Variants in CDK14 observed in about 807,000 individuals in gnomAD.
CDK14 encodes cyclin-dependent kinase 14.
A neutral mutation model predicts 60.7 loss-of-function variants in CDK14; 34 were observed. The observed-to-expected ratio is 0.56, with a 90% CI of 0.43 to 0.75. The LOEUF (loss-of-function observed/expected upper bound fraction) is 0.75. CDK14 is among the 30% of genes least tolerant of loss of function. The pLI, the probability that CDK14 is intolerant of heterozygous loss-of-function variation, is 0.00. For synonymous variants in CDK14, 197 were observed against 203.7 expected, an observed-to-expected ratio of 0.97 and a Z score of 0.28; for missense variants, 482 against 564.1, an observed-to-expected ratio of 0.85 and a Z score of 1.47.
rs541054333 is a variant in CDK14 at position 91,116,493 on chromosome 7, T to A, written c.1295-1572T>A. On this transcript the variant is annotated intron_variant, in intron 13 of 14. Coordinates refer to ENST00000380050, the MANE Select transcript of CDK14 (RefSeq NM_001287135.2). The stretch of plus-strand genomic sequence containing the variant: ...GGGACCTTTCTAGCTCTAGAGTTTG[T>A]CGATTTTCCCACATATTCCTGTATA... 9.5e-4 allele frequency among the ~76,000 whole-genome samples: 145 copies of A among 152,292 alleles called. 4 individuals are homozygous for A. In the South Asian group the frequency reaches 0.029, roughly 31 times the overall value.
Position 91,017,450 on chromosome 7 carries a change from G to T in CDK14, c.1042-28447G>T, listed in dbSNP as rs60258549. On this transcript the variant is annotated intron_variant, in intron 10 of 14. Transcript: ENST00000380050. Reference sequence around the variant, plus strand: ...AATTGTTATTTTGTTTTTCATATGTGATATTTTCCTAATAATTTTTAAAGT... The same window carrying T: ...AATTGTTATTTTGTTTTTCATATGTTATATTTTCCTAATAATTTTTAAAGT... Among the ~76,000 whole-genome samples the T allele has an allele frequency of 3.5e-4, 53 of 152,236 alleles. No homozygotes were observed. In the East Asian group the frequency reaches 9.6e-3, roughly 28 times the overall value.
chr7:91,025,241 C>T (rs1158439260), intron 10 of CDK14, among the ~76,000 whole-genome samples: 5 of 152,072 alleles, frequency 3.3e-5, no homozygotes, highest in African/African-American at 9.7e-5. Flanking sequence ...CACTATACTG[C>T]GGTTGTACCT....
At chr7:90,733,111 C>T (rs28749306) in intron 3 of CDK14, among the ~76,000 whole-genome samples, 151 of 152,256 alleles carry the variant, frequency 9.9e-4, no homozygotes, top group African/African-American at 3.2e-3. Flanking sequence ...AGTAGTCATT[C>T]GGGAGCAGGT....
intron 5 of CDK14, among the ~76,000 whole-genome samples, chr7:90,815,613 C>T (rs1789317703): frequency 6.6e-6 from 1 of 152,074 alleles, no homozygotes; most frequent in Admixed American, 6.6e-5. Flanking sequence ...AAGACACATA[C>T]ACACATATGT....
At chr7:91,127,157 A>G (rs906660658) in intron 14 of CDK14, among the ~76,000 whole-genome samples, 1 of 152,160 alleles carries the variant, frequency 6.6e-6, no homozygotes, top group African/African-American at 2.4e-5. Context: ...GATTTCATGT[A>G]TAATTTGTTT....
At chr7:91,175,014 C>T (rs1801676353) in intron 14 of CDK14, among the ~76,000 whole-genome samples, 3 of 144,080 alleles carry the variant, frequency 2.1e-5, no homozygotes, top group African/African-American at 8.2e-5. Context: ...GCCAGATTCA[C>T]CAAAGTTGAA....
At chr7:91,088,856 A>G (rs761349917) in intron 12 of CDK14, among the ~76,000 whole-genome samples, 7 of 152,136 alleles carry the variant, frequency 4.6e-5, no homozygotes, top group Non-Finnish European at 1.0e-4. Flanking sequence ...CATAAATTCA[A>G]TTAAATCAGC....
At chr7:91,022,481 A>C (rs1796457393) in intron 10 of CDK14, among the ~76,000 whole-genome samples, 1 of 152,188 alleles carries the variant, frequency 6.6e-6, no homozygotes, top group South Asian at 2.1e-4. Context: ...TTACTTGCTT[A>C]TTTCTCATGC....
At chr7:90,926,299 C>G (rs1793413136) in intron 8 of CDK14, among the ~76,000 whole-genome samples, 1 of 151,520 alleles carries the variant, frequency 6.6e-6, no homozygotes, top group African/African-American at 2.4e-5. Flanking sequence ...TCACTCTGTT[C>G]CCAACCCCAC....
chr7:90,815,314 A>G (rs1789303783), intron 5 of CDK14, among the ~76,000 whole-genome samples: 1 of 152,240 alleles, frequency 6.6e-6, no homozygotes, highest in Non-Finnish European at 1.5e-5. Flanking sequence ...AACATATGAA[A>G]AAAAGCTCAT....
At chr7:90,625,816 T>C (rs1201405835) in intron 2 of CDK14, among the ~76,000 whole-genome samples, 1 of 152,218 alleles carries the variant, frequency 6.6e-6, no homozygotes, top group Non-Finnish European at 1.5e-5. Flanking sequence ...AGATTGGAGA[T>C]GGCTTTAGCT....
chr7:90,985,089 TAGAG>T (rs978044513), intron 10 of CDK14, among the ~76,000 whole-genome samples: 45 of 152,308 alleles, frequency 3.0e-4, no homozygotes, highest in African/African-American at 5.5e-4. Context: ...AGATTTTAAT[TAGAG>T]AGAGAAACTG....
chr7:90,778,905 TC>T (rs1805177117), intron 4 of CDK14, among the ~76,000 whole-genome samples: 4 of 150,584 alleles, frequency 2.7e-5, no homozygotes, highest in African/African-American at 7.4e-5. Flanking sequence ...CCTTCTTTTC[TC>T]TCTCCTCTCT....
chr7:91,188,365 T>TA (rs1562988022), intron 14 of CDK14, among the ~76,000 whole-genome samples: 1 of 152,128 alleles, frequency 6.6e-6, no homozygotes, highest in Non-Finnish European at 1.5e-5. Flanking sequence ...AAAGAAGTAA[T>TA]AGAATCTGGT....
intron 1 of CDK14, among the ~76,000 whole-genome samples, chr7:90,601,056 A>C (rs1799305195): frequency 1.3e-5 from 2 of 152,258 alleles, no homozygotes. Context: ...GTTGGAGAAC[A>C]CAGGAGGAGC....
chr7:90,820,289 A>G (rs1190054282), intron 5 of CDK14, among the ~76,000 whole-genome samples: 2 of 152,060 alleles, frequency 1.3e-5, no homozygotes. Flanking sequence ...CAAGACCTTG[A>G]TTCTCTTTAC....
chr7:90,734,786 T>C (rs1016822853), intron 3 of CDK14, among the ~76,000 whole-genome samples: 2 of 152,190 alleles, frequency 1.3e-5, no homozygotes, highest in African/African-American at 2.4e-5. Context: ...AGTTTGTTAT[T>C]ACCCACTTTC....
intron 10 of CDK14, among the ~76,000 whole-genome samples, chr7:90,999,455 G>A (rs898541983): frequency 6.6e-6 from 1 of 151,970 alleles, no homozygotes; most frequent in Non-Finnish European, 1.5e-5. Flanking sequence ...CAGGCATGGT[G>A]GCGTGTGCCT....
intron 3 of CDK14, among the ~76,000 whole-genome samples, chr7:90,729,054 C>T (rs1270793941): frequency 1.7e-4 from 25 of 148,888 alleles, no homozygotes; most frequent in Admixed American, 4.0e-4. Flanking sequence ...TTTTTTCATT[C>T]GGTATGACTC....
Sources: gnomAD v4.1 joint callset for allele counts (sites outside exome capture counted in the v4.1 genomes callset) on GRCh38, gnomAD v4.1.1 for gene constraint, MANE v1.5 for transcripts, NCBI Gene and HGNC (gene_info 2026-07-23, HGNC 2026-07-21) for gene names.